SORCS1: variants seen among roughly 807,000 people sequenced by gnomAD.
The protein encoded by SORCS1 is sortilin related VPS10 domain containing receptor 1.
A neutral mutation model predicts 146.1 loss-of-function variants in SORCS1; 60 were observed. The observed-to-expected ratio is 0.41, with a 90% CI of 0.33 to 0.51. The LOEUF (loss-of-function observed/expected upper bound fraction) is 0.51, where lower values mean the gene tolerates loss of function less well. Among genes scored for constraint, SORCS1 ranks in the 20% least tolerant of loss-of-function variants. The pLI is 0.21. For missense variants in SORCS1, 1,352 were observed against 1,487.6 expected, an observed-to-expected ratio of 0.91 and a Z score of 1.50; for synonymous variants, 637 against 584.0, an observed-to-expected ratio of 1.09 and a Z score of -1.31.
At chr10:106,943,764 C>T (rs538817423) in intron 2 of SORCS1, among the ~76,000 whole-genome samples, 5 of 151,986 alleles carry the variant, frequency 3.3e-5, no homozygotes, top group African/African-American at 1.2e-4. Flanking sequence ...GAGCCGAGAT[C>T]GTGCCACTGG....
At chr10:106,587,348 T>C (rs987657218) in intron 24 of SORCS1, among the ~76,000 whole-genome samples, 2 of 152,252 alleles carry the variant, frequency 1.3e-5, no homozygotes, top group African/African-American at 4.8e-5. Context: ...GAAAATGTTA[T>C]TGCAACAATT....
chr10:106,635,701 AG>A (rs1376772646), intron 18 of SORCS1, among the ~76,000 whole-genome samples: 1 of 152,236 alleles, frequency 6.6e-6, no homozygotes, highest in African/African-American at 2.4e-5. Flanking sequence ...ATATGGGTTA[AG>A]TACATTGGAA....
intron 5 of SORCS1, among the ~76,000 whole-genome samples, chr10:106,753,962 TTTATTTATTTACC>T: frequency 6.6e-6 from 1 of 152,188 alleles, no homozygotes; most frequent in Non-Finnish European, 1.5e-5. Flanking sequence ...TAAGATTGTG[TTTATTTATTTACC>T]TTATTTATTT....
intron 3 of SORCS1, among the ~76,000 whole-genome samples, chr10:106,813,500 G>A (rs918622397): frequency 6.6e-5 from 10 of 152,308 alleles, no homozygotes; most frequent in Non-Finnish European, 1.3e-4. Flanking sequence ...ACGAATGTAC[G>A]TTGTGAGTAA....
At chr10:107,017,677 A>G (rs1452055593) in intron 1 of SORCS1, among the ~76,000 whole-genome samples, 1 of 152,170 alleles carries the variant, frequency 6.6e-6, no homozygotes, top group African/African-American at 2.4e-5. Context: ...ATTTTTTGAG[A>G]CAGCGTCTCA....
intron 1 of SORCS1, among the ~76,000 whole-genome samples, chr10:107,001,118 G>A (rs1347074211): frequency 2.0e-5 from 3 of 152,164 alleles, no homozygotes; most frequent in Non-Finnish European, 4.4e-5. Context: ...ATCCCAAAAT[G>A]AAGCTCAGCA....
intron 17 of SORCS1, among the ~76,000 whole-genome samples, chr10:106,655,664 T>C (rs2135304616): frequency 6.6e-6 from 1 of 152,296 alleles, no homozygotes; most frequent in Non-Finnish European, 1.5e-5. Context: ...CTGTTGGTAA[T>C]TTTTTTAAAT....
intron 11 of SORCS1, 114 bp from the exon 12 acceptor site, chr10:106,679,446 C>A: frequency 7.1e-6 from 7 of 987,212 alleles, no homozygotes; most frequent in Non-Finnish European, 1.1e-5. Flanking sequence ...TCTGTCTGTG[C>A]AGGGGTTTTC....
intron 2 of SORCS1, among the ~76,000 whole-genome samples, chr10:106,899,896 T>G (rs1242466999): frequency 6.6e-6 from 1 of 152,076 alleles, no homozygotes; most frequent in Non-Finnish European, 1.5e-5. Context: ...TATTTCACTA[T>G]TCCATCCTTT....
intron 6 of SORCS1, among the ~76,000 whole-genome samples, chr10:106,714,643 A>T (rs143654421): frequency 6.6e-6 from 1 of 152,320 alleles, no homozygotes; most frequent in Non-Finnish European, 1.5e-5. Flanking sequence ...ATATCTATAA[A>T]TGTATGTTTG....
At chr10:107,092,764 G>A (rs1282367040) in intron 1 of SORCS1, among the ~76,000 whole-genome samples, 1 of 151,346 alleles carries the variant, frequency 6.6e-6, no homozygotes, top group Admixed American at 6.6e-5. Flanking sequence ...CCAAGTGCAG[G>A]ACTTGAGAAA....
chr10:106,911,851 G>A (rs764095843), intron 2 of SORCS1, among the ~76,000 whole-genome samples: 1 of 152,120 alleles, frequency 6.6e-6, no homozygotes, highest in Non-Finnish European at 1.5e-5. Context: ...GGTGGCTCAC[G>A]CCTGTGATCC....
intron 24 of SORCS1, among the ~76,000 whole-genome samples, chr10:106,582,736 C>T (rs1159847464): frequency 6.6e-6 from 1 of 152,188 alleles, no homozygotes; most frequent in Non-Finnish European, 1.5e-5. Context: ...TGGATACCAG[C>T]AGTACTCCAA....
At position 106,674,928 on chromosome 10, in the gene SORCS1, T is replaced by C. The variant is rs913528255; in HGVS notation, c.1940+121A>G. ...TTCTTCCCTATTTGCTGTACACTCTTGCAGTAAGATGCAACAACCTTGAAC... is the reference window on the plus strand; with the variant it reads ...TTCTTCCCTATTTGCTGTACACTCTCGCAGTAAGATGCAACAACCTTGAAC... On this transcript the variant is annotated intron_variant, in intron 14 of 25. Coordinates refer to ENST00000263054, the MANE Select transcript of SORCS1 (RefSeq NM_052918.5). 3 of 713,386 alleles carry C rather than the reference T, an allele frequency of 4.2e-6. No homozygotes were observed. In the Admixed American group the frequency reaches 8.0e-5, roughly 19 times the overall value. The allele number at this position is 713,386 out of a possible 1,614,324, so 44.2% of individuals were successfully genotyped here.
intron 2 of SORCS1, among the ~76,000 whole-genome samples, chr10:106,862,780 C>CAAAAAA (rs58654489): frequency 5.0e-5 from 3 of 60,246 alleles, no homozygotes; most frequent in Non-Finnish European, 6.4e-5. Flanking sequence ...CCTGTCTCTA[C>CAAAAAA]AAAAAAAAAA....
intron 19 of SORCS1, among the ~76,000 whole-genome samples, chr10:106,626,038 C>T (rs891241107): frequency 6.6e-6 from 1 of 152,180 alleles, no homozygotes; most frequent in Non-Finnish European, 1.5e-5. Context: ...CTCCCAGAAA[C>T]ACTATGCAGG....
chr10:107,128,880 T>C (rs1448244486), intron 1 of SORCS1, among the ~76,000 whole-genome samples: 1 of 152,236 alleles, frequency 6.6e-6, no homozygotes, highest in African/African-American at 2.4e-5. Flanking sequence ...CGTGCCACTA[T>C]TCCTGGTGAT....
At chr10:106,671,587 T>C (rs1454924785) in intron 15 of SORCS1, among the ~76,000 whole-genome samples, 1 of 152,176 alleles carries the variant, frequency 6.6e-6, no homozygotes, top group African/African-American at 2.4e-5. Context: ...TTAAACAACA[T>C]CCTTAATTTT....
Position 106,704,365 on chromosome 10 carries a change from A to G in SORCS1, c.1233+2180T>C, listed in dbSNP as rs530854491. Among the ~76,000 whole-genome samples the G allele has an allele frequency of 2.0e-5, 3 of 152,330 alleles. No individual in the cohort carries two copies. The South Asian group carries it at 6.2e-4, about 32-fold the overall frequency. On this transcript the variant is annotated intron_variant, in intron 8 of 25. Coordinates refer to ENST00000263054, the MANE Select transcript of SORCS1 (RefSeq NM_052918.5). The stretch of plus-strand genomic sequence containing the variant: ...TAGCCTCAATTATGCTACAAATAGC[A>G]TTTGATTTCCACCAAAACTTATGTC...
Sources: gnomAD v4.1 joint callset for allele counts (sites outside exome capture counted in the v4.1 genomes callset) on GRCh38, gnomAD v4.1.1 for gene constraint, MANE v1.5 for transcripts, NCBI Gene and HGNC (gene_info 2026-07-23, HGNC 2026-07-21) for gene names.